Variants in ANKIB1 observed in about 807,000 individuals in gnomAD.
The protein encoded by ANKIB1 is ankyrin repeat and IBR domain-containing protein 1.
A neutral mutation model predicts 122.1 loss-of-function variants in ANKIB1; 43 were observed. That is an observed-to-expected ratio of 0.35 (90% CI 0.28 to 0.45). ANKIB1 has a LOEUF of 0.45. Among genes scored for constraint, ANKIB1 ranks in the 20% least tolerant of loss-of-function variants. ANKIB1 has a pLI of 1.00. For missense variants in ANKIB1, 992 were observed against 1,329.5 expected, an observed-to-expected ratio of 0.75 and a Z score of 3.95; for synonymous variants, 390 against 442.0, an observed-to-expected ratio of 0.88 and a Z score of 1.48.
At chr7:92,373,747 T>A (rs1804322768) in intron 11 of ANKIB1, among the ~76,000 whole-genome samples, 1 of 152,214 alleles carries the variant, frequency 6.6e-6, no homozygotes, top group East Asian at 1.9e-4. Flanking sequence ...TACTAATGCC[T>A]CAGCATTGAT....
intron 4 of ANKIB1, 84 bp downstream of exon 4, chr7:92,319,596 C>T: frequency 2.2e-6 from 3 of 1,341,168 alleles, no homozygotes; most frequent in Non-Finnish European, 2.1e-6. Flanking sequence ...CTTTAAAACT[C>T]AGTTTGTGTG....
intron 5 of ANKIB1, among the ~76,000 whole-genome samples, chr7:92,336,321 C>T (rs1260196187): frequency 6.6e-6 from 1 of 151,704 alleles, no homozygotes; most frequent in Non-Finnish European, 1.5e-5. Context: ...AGAATTTACA[C>T]TCGGTTCTTT....
At chr7:92,281,912 A>G (rs1802018172) in intron 1 of ANKIB1, among the ~76,000 whole-genome samples, 1 of 152,212 alleles carries the variant, frequency 6.6e-6, no homozygotes, top group Admixed American at 6.5e-5. Flanking sequence ...TATTAAAGAT[A>G]TATTAGAGAG....
At chr7:92,251,120 A>G (rs183605774) in intron 1 of ANKIB1, among the ~76,000 whole-genome samples, 3 of 152,126 alleles carry the variant, frequency 2.0e-5, no homozygotes, top group Non-Finnish European at 1.5e-5. Flanking sequence ...AAGTCACTAT[A>G]TTTTTCTCAC....
rs747622931 is a variant in ANKIB1 at position 92,392,399 on chromosome 7, GTC to G, written c.2283+111_2283+112del. 4.2e-6 allele frequency: 4 copies of G among 951,084 alleles called. No homozygotes were observed. In the East Asian group the frequency reaches 1.0e-4, roughly 25 times the overall value. The allele number at this position is 951,084 out of a possible 1,614,324, so 58.9% of individuals were successfully genotyped here. A position where few individuals can be genotyped will look rare whatever the true frequency, so the allele number is the denominator to read the frequency against. ...TCCTTCTGAGATTATCAGCAGTGCTGTCTCTTTCTTTTGTAACAAAAATGCCT... is the reference window on the plus strand; with the variant it reads ...TCCTTCTGAGATTATCAGCAGTGCTGTCTTTCTTTTGTAACAAAAATGCCT... On this transcript the variant is annotated intron_variant, in intron 17 of 19. Coordinates refer to ENST00000265742, the MANE Select transcript of ANKIB1 (RefSeq NM_019004.2).
At position 92,398,502 on chromosome 7, in the gene ANKIB1, T is replaced by G. The variant is rs1804948895; in HGVS notation, c.2823T>G (p.Pro941=). 6.2e-7 allele frequency: 1 copy of G among 1,613,826 alleles called. No individual in the cohort carries two copies. Among genetic ancestry groups the G allele is most frequent in the Admixed American group, 1.7e-5 (1 of 59,994 alleles). ...PFSTDTLSSH[P]LSEARSDFCP... is the part of the protein sequence containing the mutation. ...CAACTGACACCCTGAGCTCACACCC[T>G]CTCAGTGAGGCAAGAAGTGATTTCT... is the stretch of plus-strand genomic sequence containing the variant. The change falls in exon 20 of 20, where the codon CCT becomes CCG. Residue 941 remains proline, a synonymous_variant. Transcript: ENST00000265742.
chr7:92,343,064 C>T lies in ANKIB1; in HGVS notation c.828C>T (p.Asn276=), dbSNP rs750899321. ...REKLLEAWMS[N]PENCCQRSGV... is the part of the protein sequence containing the mutation. ...AATTACTTGAAGCTTGGATGTCCAACCCGGAGAACTGCTGCCAACGATCAG... is the reference window on the plus strand; with the variant it reads ...AATTACTTGAAGCTTGGATGTCCAATCCGGAGAACTGCTGCCAACGATCAG... Residue 276 remains asparagine, a synonymous_variant, in exon 6 of 20, where the codon AAC becomes AAT. Transcript: ENST00000265742. 5 of 1,613,896 alleles carry T rather than the reference C, an allele frequency of 3.1e-6. No individual in the cohort carries two copies. The South Asian group carries it at 3.3e-5, about 11-fold the overall frequency.
intron 5 of ANKIB1, among the ~76,000 whole-genome samples, chr7:92,340,984 G>A (rs1803425738): frequency 6.6e-6 from 1 of 152,148 alleles, no homozygotes; most frequent in South Asian, 2.1e-4. Context: ...AAACTGGTAA[G>A]GTTCCTCATT....
At chr7:92,264,747 G>T (rs762048884) in intron 1 of ANKIB1, among the ~76,000 whole-genome samples, 8 of 152,070 alleles carry the variant, frequency 5.3e-5, no homozygotes, top group Non-Finnish European at 1.2e-4. Context: ...GTTTTTTAAT[G>T]TGCCAAAATG....
chr7:92,397,282 T>TG (rs1804919048), intron 18 of ANKIB1, among the ~76,000 whole-genome samples: 1 of 152,026 alleles, frequency 6.6e-6, no homozygotes, highest in South Asian at 2.1e-4. Flanking sequence ...TGTCAGGAGA[T>TG]GGAGACCATC....
chr7:92,336,328 C>A (rs1184293939), intron 5 of ANKIB1, among the ~76,000 whole-genome samples: 1 of 151,432 alleles, frequency 6.6e-6, no homozygotes, highest in African/African-American at 2.4e-5. Flanking sequence ...ACACTCGGTT[C>A]TTTTTTATGG....
chr7:92,360,881 T>A (rs1333460657), intron 9 of ANKIB1, among the ~76,000 whole-genome samples: 3 of 152,114 alleles, frequency 2.0e-5, no homozygotes, highest in African/African-American at 7.2e-5. Context: ...TTTTTTTTCC[T>A]CGAAATGGGG....
chr7:92,281,431 CT>C (rs1186389008), intron 1 of ANKIB1, among the ~76,000 whole-genome samples: 3 of 152,196 alleles, frequency 2.0e-5, no homozygotes, highest in Non-Finnish European at 2.9e-5. Context: ...ATGGATCAAC[CT>C]TGCAAGAGGC....
At chr7:92,257,219 A>G (rs1801467191) in intron 1 of ANKIB1, among the ~76,000 whole-genome samples, 2 of 151,948 alleles carry the variant, frequency 1.3e-5, no homozygotes, top group African/African-American at 2.4e-5. Context: ...AAAAAAAGAA[A>G]AAAAAGAAAA....
At chr7:92,327,495 T>C (rs1243223744) in intron 4 of ANKIB1, among the ~76,000 whole-genome samples, 2 of 152,230 alleles carry the variant, frequency 1.3e-5, no homozygotes, top group African/African-American at 4.8e-5. Flanking sequence ...TCCTCCCATA[T>C]ACTTTAAATC....
intron 5 of ANKIB1, among the ~76,000 whole-genome samples, chr7:92,337,442 T>C (rs1803312722): frequency 6.6e-6 from 1 of 152,192 alleles, no homozygotes; most frequent in African/African-American, 2.4e-5. Context: ...TTCCAGATCT[T>C]TTTTAAAAAT....
chr7:92,248,840 G>T (rs970200693), intron 1 of ANKIB1, among the ~76,000 whole-genome samples: 2 of 150,760 alleles, frequency 1.3e-5, no homozygotes, highest in Non-Finnish European at 3.0e-5. Context: ...GATAACCTCA[G>T]ACTGCCTCTT....
chr7:92,312,834 CAT>C (rs1802718592), intron 3 of ANKIB1, among the ~76,000 whole-genome samples: 1 of 152,116 alleles, frequency 6.6e-6, no homozygotes, highest in Non-Finnish European at 1.5e-5. Flanking sequence ...TCCATTAAAA[CAT>C]AAGTCTGACA....
At chr7:92,295,429 T>C (rs1025213524) in intron 2 of ANKIB1, among the ~76,000 whole-genome samples, 9 of 152,172 alleles carry the variant, frequency 5.9e-5, no homozygotes, top group Admixed American at 2.6e-4. Context: ...AAGCTTTTAA[T>C]GGTGAGGTTG....
Sources: allele counts gnomAD v4.1 joint callset (sites outside exome capture counted in the v4.1 genomes callset), GRCh38; gene constraint gnomAD v4.1.1; transcripts MANE v1.5; gene names NCBI Gene and HGNC (gene_info 2026-07-23, HGNC 2026-07-21).